Variants in KPNA3 observed in about 807,000 individuals in gnomAD.
KPNA3 encodes the protein karyopherin subunit alpha 3, also known as importin subunit alpha-4.
In KPNA3, 13 loss-of-function variants were observed where a neutral mutation model predicts 73.8. The observed-to-expected ratio is 0.18, with a 90% confidence interval of 0.11 to 0.28. The LOEUF is 0.28. Among genes scored for constraint, KPNA3 ranks in the 10% least tolerant of loss-of-function variants. KPNA3 has a pLI of 1.00. For synonymous variants in KPNA3, 186 were observed against 206.9 expected (o/e 0.90, Z 0.87); for missense variants, 360 against 618.1 (o/e 0.58, Z 4.43).
At chr13:49,716,447 A>ATT (rs533061657) in intron 10 of KPNA3, among the ~76,000 whole-genome samples, 1 of 150,944 alleles carries the variant, frequency 6.6e-6, no homozygotes, top group African/African-American at 2.4e-5. Context: ...TTATTTAATT[A>ATT]TTTTTTTTTA....
intron 1 of KPNA3, among the ~76,000 whole-genome samples, chr13:49,785,089 G>T (rs1954971238): frequency 6.6e-6 from 1 of 152,076 alleles, no homozygotes; most frequent in South Asian, 2.1e-4. Flanking sequence ...AGGGGCAGGC[G>T]GGATTCCAGA....
At chr13:49,776,749 G>T (rs1954901179) in intron 1 of KPNA3, among the ~76,000 whole-genome samples, 1 of 152,052 alleles carries the variant, frequency 6.6e-6, no homozygotes, top group South Asian at 2.1e-4. Context: ...TCTGACCCTT[G>T]TTTAAAATAC....
intron 16 of KPNA3, 98 bp from the exon 17 acceptor site, chr13:49,701,996 T>C: frequency 1.3e-6 from 1 of 741,324 alleles, no homozygotes; most frequent in South Asian, 1.7e-5. Context: ...TAATTCTATG[T>C]GAATGCTTTA....
intron 2 of KPNA3, among the ~76,000 whole-genome samples, chr13:49,738,625 ATTGTTT>A (rs1954545985): frequency 6.6e-6 from 1 of 152,138 alleles, no homozygotes; most frequent in Non-Finnish European, 1.5e-5. Flanking sequence ...TAAAAATTGT[ATTGTTT>A]TTAATTTTGG....
At position 49,732,344 on chromosome 13, in the gene KPNA3, T is replaced by C. The variant is rs1566342904; in HGVS notation, c.383+27A>G. 6 of 1,210,552 alleles carry C rather than the reference T, an allele frequency of 5.0e-6. No individual in the cohort carries two copies. In the Admixed American group the frequency reaches 1.3e-4, roughly 27 times the overall value. 75.0% of individuals were successfully genotyped at this position (1,210,552 alleles called of 1,614,324 possible). A position where few individuals can be genotyped will look rare whatever the true frequency, so the allele number is the denominator to read the frequency against. ...AACTTTTAAGTTAACTGAAAAAAAC[T>C]GAATAGGGAGTAAAATCCATACTTA... On this transcript the variant is annotated intron_variant, in intron 6 of 16. Coordinates refer to ENST00000261667, the MANE Select transcript of KPNA3 (RefSeq NM_002267.4).
intron 6 of KPNA3, among the ~76,000 whole-genome samples, chr13:49,725,828 G>A (rs1037249681): frequency 1.3e-5 from 2 of 152,112 alleles, no homozygotes; most frequent in Non-Finnish European, 2.9e-5. Context: ...TTTTAGTAGA[G>A]ATAGGGTTTC....
At chr13:49,706,468 G>T in intron 12 of KPNA3, 96 bp from the exon 13 acceptor site, 1 of 803,072 alleles carries the variant, frequency 1.2e-6, no homozygotes, top group Non-Finnish European at 2.0e-6. Flanking sequence ...AAAATCACCT[G>T]AATTACGTTA....
At position 49,730,984 on chromosome 13, in the gene KPNA3, G is replaced by A. The variant is rs1002119010; in HGVS notation, c.383+1387C>T. Among the ~76,000 whole-genome samples the A allele has an allele frequency of 6.6e-5, 10 of 151,410 alleles. No individual in the cohort carries two copies. In the South Asian group the frequency reaches 8.4e-4, roughly 13 times the overall value. ...TTTAATAGAGACAGGGTTTCACCAC[G>A]TTAGCCAGGATGGTCTCGATCTCCT... is the stretch of plus-strand genomic sequence containing the variant. On this transcript the variant is annotated intron_variant, in intron 6 of 16. Transcript: ENST00000261667.
At chr13:49,705,307 T>C (rs1954196792) in intron 15 of KPNA3, among the ~76,000 whole-genome samples, 1 of 149,260 alleles carries the variant, frequency 6.7e-6, no homozygotes, top group South Asian at 2.1e-4. Flanking sequence ...TGCAATGAGC[T>C]GAGATTGTGC....
At chr13:49,714,641 T>C (rs9526593) in intron 10 of KPNA3, among the ~76,000 whole-genome samples, 128,526 of 152,072 alleles carry the variant, frequency 0.85, 54,552 homozygotes, top group East Asian at 1. Flanking sequence ...CAGACAGACT[T>C]GATGCTATAT....
chr13:49,702,602 A>G (rs1954158335), intron 15 of KPNA3, 122 bp from the exon 16 acceptor site: 3 of 530,274 alleles, frequency 5.7e-6, no homozygotes, highest in Non-Finnish European at 6.6e-6. Context: ...CCCCCATCTA[A>G]GATAGTGGTT....
intron 10 of KPNA3, among the ~76,000 whole-genome samples, chr13:49,717,648 T>G (rs1954317195): frequency 6.6e-6 from 1 of 152,174 alleles, no homozygotes; most frequent in Non-Finnish European, 1.5e-5. Context: ...TAAGTACCTC[T>G]GCTTCTTTTA....
At chr13:49,738,153 GC>G (rs1340438142) in intron 2 of KPNA3, among the ~76,000 whole-genome samples, 15 of 152,150 alleles carry the variant, frequency 9.9e-5, no homozygotes, top group Non-Finnish European at 2.9e-5. Context: ...TTTTGTAACT[GC>G]TAAAAATCAG....
chr13:49,779,816 TCA>T (rs750884714), intron 1 of KPNA3, among the ~76,000 whole-genome samples: 1 of 152,118 alleles, frequency 6.6e-6, no homozygotes, highest in African/African-American at 2.4e-5. Context: ...TCCACCACCC[TCA>T]GTTTTCCCTT....
intron 2 of KPNA3, among the ~76,000 whole-genome samples, chr13:49,733,296 T>TG (rs1460473426): frequency 1.1e-4 from 16 of 147,172 alleles, no homozygotes; most frequent in Admixed American, 6.1e-4. Flanking sequence ...TTTTTTTTTT[T>TG]TTTTTTTGGA....
chr13:49,709,395 T>C (rs578237496), intron 12 of KPNA3, among the ~76,000 whole-genome samples, 177 bp downstream of exon 12: 74 of 105,148 alleles, frequency 7.0e-4, no homozygotes, highest in Middle Eastern at 5.4e-3. Flanking sequence ...ACAGACTCTG[T>C]CTCAAAAAAA....
At chr13:49,741,706 G>A (rs941547162) in intron 2 of KPNA3, among the ~76,000 whole-genome samples, 2 of 151,986 alleles carry the variant, frequency 1.3e-5, no homozygotes, top group Admixed American at 6.6e-5. Context: ...CGCCCGCCTC[G>A]GCCTCCCAAA....
At chr13:49,763,981 C>T (rs1202973147) in intron 1 of KPNA3, among the ~76,000 whole-genome samples, 3 of 150,294 alleles carry the variant, frequency 2.0e-5, no homozygotes, top group Non-Finnish European at 4.4e-5. Flanking sequence ...ATGGAAGGAT[C>T]GCCTGAGCCC....
At chr13:49,730,512 T>G (rs986143437) in intron 6 of KPNA3, among the ~76,000 whole-genome samples, 1 of 47,302 alleles carries the variant, frequency 2.1e-5, no homozygotes, top group African/African-American at 6.6e-5. Context: ...AGAGCGAGAC[T>G]CTGTCTCAAA....
Sources: gnomAD v4.1 joint callset for allele counts (sites outside exome capture counted in the v4.1 genomes callset) on GRCh38, gnomAD v4.1.1 for gene constraint, MANE v1.5 for transcripts, NCBI Gene and HGNC (gene_info 2026-07-23, HGNC 2026-07-21) for gene names.